Variants in DST observed in about 807,000 individuals in gnomAD.
DST encodes dystonin.
A neutral mutation model predicts 875.2 loss-of-function variants in DST; 253 were observed. That is an observed-to-expected ratio of 0.29 (90% CI 0.26 to 0.32). The LOEUF (loss-of-function observed/expected upper bound fraction) is 0.32, where lower values mean the gene tolerates loss of function less well. Among genes scored for constraint, DST ranks in the 10% least tolerant of loss-of-function variants. The pLI, the probability that DST is intolerant of heterozygous loss-of-function variation, is 1.00. For synonymous variants in DST, 3,124 were observed against 3,197.1 expected, an observed-to-expected ratio of 0.98 and a Z score of 0.77; for missense variants, 8,287 against 9,111.6, an observed-to-expected ratio of 0.91 and a Z score of 3.68.
At chr6:56,506,359 T>G (rs1359336072) in intron 77 of DST, 84 bp downstream of exon 77, 14 of 1,088,454 alleles carry the variant, frequency 1.3e-5, no homozygotes, top group Non-Finnish European at 1.7e-5. Context: ...CTGGCAGATC[T>G]TGAGGTGGTG....
intron 4 of DST, among the ~76,000 whole-genome samples, chr6:56,825,295 A>G (rs1240940717): frequency 3.4e-5 from 5 of 148,180 alleles, no homozygotes; most frequent in East Asian, 1.9e-4. Context: ...AGATGCTTGA[A>G]GGCAGCATGC....
chr6:56,815,458 A>AT (rs1017309184), intron 4 of DST, among the ~76,000 whole-genome samples: 1 of 152,218 alleles, frequency 6.6e-6, no homozygotes, highest in African/African-American at 2.4e-5. Flanking sequence ...TAAGCACTGT[A>AT]TTTATCTAGC....
chr6:56,774,881 A>G (rs1564107022), intron 4 of DST, among the ~76,000 whole-genome samples: 2 of 151,658 alleles, frequency 1.3e-5, no homozygotes, highest in Non-Finnish European at 2.9e-5. Context: ...AATCCCAGCT[A>G]CTTGGGAGGC....
At chr6:56,520,593 G>A (rs1271995162) in intron 69 of DST, among the ~76,000 whole-genome samples, 1 of 152,008 alleles carries the variant, frequency 6.6e-6, no homozygotes, top group Admixed American at 6.6e-5. Flanking sequence ...TACAGCTGCA[G>A]GTGAACTTAG....
In DST at chr6:56,569,919, T is replaced by C. The variant is rs1251531452; in HGVS notation, c.13815A>G (p.Lys4605=). The C allele has an allele frequency of 6.2e-7, 1 of 1,610,992 alleles. No homozygotes were observed. The highest frequency in any genetic ancestry group is 1.7e-5 in the Admixed American group (1 of 59,720). The change falls in exon 54 of 104, where the codon AAA becomes AAG. Residue 4605 remains lysine, a synonymous_variant. Coordinates refer to ENST00000680361, the MANE Select transcript of DST (RefSeq NM_001374736.1). Reference sequence around the variant, plus strand: ...CAAAAGAAGGCTGTACAATGGGAACTTTTTTTGTTGTTTCTTTTATCCATG... The same window carrying C: ...CAAAAGAAGGCTGTACAATGGGAACCTTTTTTGTTGTTTCTTTTATCCATG... The part of the protein sequence containing the change: ...LKSWIKETTK[K]VPIVQPSFGA...
chr6:56,562,176 C>A lies in DST; in HGVS notation c.14030G>T (p.Gly4677Val), dbSNP rs1296085242. Reference protein sequence around the residue: ...KSGGAVLNGEGTATNTEEFWA... With the variant: ...KSGGAVLNGEVTATNTEEFWA... ...AAATTCCTCAGTATTTGTGGCTGTT[C>A]CTTCACCATTTAATACTGCTCCACC... is the stretch of plus-strand genomic sequence containing the variant. Residue 4677 changes from glycine to valine, a missense_variant, in exon 56 of 104, where the codon GGA (glycine) becomes GTA (valine). This residue lies in a region of DST where 1,513 missense variants were observed against 1,677.8 expected (regional missense o/e 0.90). Transcript: ENST00000680361. 6.4e-7 allele frequency: 1 copy of A among 1,555,984 alleles called. No individual in the cohort carries two copies. Among genetic ancestry groups the A allele is most frequent in the East Asian group, 2.4e-5 (1 of 42,196 alleles).
At position 56,464,759 on chromosome 6, in the gene DST, A is replaced by G. The variant is rs2094499500; in HGVS notation, c.22688-3T>C. 2 of 1,587,712 alleles carry G rather than the reference A, an allele frequency of 1.3e-6. No homozygotes were observed. The highest frequency in any genetic ancestry group is 1.3e-5 in the African/African-American group (1 of 74,570). On this transcript the variant is annotated splice_polypyrimidine_tract_variant and splice_region_variant and intron_variant, in intron 99 of 103. Coordinates refer to ENST00000680361, the MANE Select transcript of DST (RefSeq NM_001374736.1). ...CATTTTACTCCCATGATGATGAACT[A>G]GAAAAAATGACACAGGATACCAATC...
intron 98 of DST, among the ~76,000 whole-genome samples, chr6:56,468,380 G>A (rs972252833): frequency 3.3e-5 from 5 of 152,136 alleles, no homozygotes; most frequent in Non-Finnish European, 7.4e-5. Context: ...ATATTATAGC[G>A]ATAACTTTCC....
rs757762556 is a variant in DST at position 56,634,190 on chromosome 6, A to G, written c.3563T>C (p.Val1188Ala). ...TTCATTGATGAGATAATGCCAGGAT[A>G]CTACACTCTTCATGTTTATGTGAGA... is the stretch of plus-strand genomic sequence containing the variant. ...HESHINMKSVVSWHYLINEID... is the reference protein window; with the variant it reads ...HESHINMKSVASWHYLINEID... The change falls in exon 27 of 104, where the codon GTA becomes GCA. Residue 1188 changes from valine (V) to alanine (A), a missense_variant. Coordinates refer to ENST00000680361, the MANE Select transcript of DST (RefSeq NM_001374736.1). 6.2e-7 allele frequency: 1 copy of G among 1,613,688 alleles called. No individual in the cohort carries two copies.
intron 91 of DST, 90 bp from the exon 92 acceptor site, chr6:56,476,427 T>C: frequency 8.4e-7 from 1 of 1,193,674 alleles, no homozygotes; most frequent in South Asian, 1.7e-5. Context: ...AAATGAAAAT[T>C]AGGATCATCC....
chr6:56,494,899 T>C (rs1391826155), intron 82 of DST, among the ~76,000 whole-genome samples: 1 of 152,024 alleles, frequency 6.6e-6, no homozygotes, highest in Non-Finnish European at 1.5e-5. Context: ...ATAATGTGGG[T>C]TAAATCATAG....
chr6:56,855,195 T>A (rs1286347970), intron 3 of DST, among the ~76,000 whole-genome samples: 1 of 152,198 alleles, frequency 6.6e-6, no homozygotes, highest in Non-Finnish European at 1.5e-5. Flanking sequence ...AAATCATCAA[T>A]AGGTTCTTGG....
intron 5 of DST, among the ~76,000 whole-genome samples, chr6:56,713,703 C>T (rs1163932243): frequency 2.0e-5 from 3 of 152,152 alleles, no homozygotes; most frequent in Non-Finnish European, 4.4e-5. Context: ...CCTTTCAGAG[C>T]ATTATTTCCT....
intron 3 of DST, among the ~76,000 whole-genome samples, chr6:56,863,586 C>T (rs1772423288): frequency 6.6e-6 from 1 of 152,204 alleles, no homozygotes; most frequent in African/African-American, 2.4e-5. Flanking sequence ...TGACCTTCCT[C>T]CCCTTCACAG....
chr6:56,814,893 G>T (rs193154437), intron 4 of DST, among the ~76,000 whole-genome samples: 16 of 152,254 alleles, frequency 1.1e-4, no homozygotes, highest in African/African-American at 3.9e-4. Context: ...TTCCAAAAAT[G>T]ATTTGAAGTC....
intron 45 of DST, among the ~76,000 whole-genome samples, chr6:56,599,336 AT>A (rs1375747639): frequency 5.3e-5 from 8 of 151,844 alleles, no homozygotes; most frequent in Admixed American, 1.3e-4. Context: ...TTTTAATATT[AT>A]TTTTTCCATA....
chr6:56,641,821 A>G, intron 17 of DST, 126 bp downstream of exon 17: 1 of 755,778 alleles, frequency 1.3e-6, no homozygotes, highest in East Asian at 2.8e-5. Context: ...TGTGACACAC[A>G]TTTTCAACTA....
chr6:56,690,030 G>C (rs2099217071), intron 9 of DST, among the ~76,000 whole-genome samples: 1 of 152,128 alleles, frequency 6.6e-6, no homozygotes, highest in Non-Finnish European at 1.5e-5. Context: ...TCTACCTTCT[G>C]CCACCTGTTT....
At chr6:56,858,992 T>C (rs1472245375) in intron 3 of DST, among the ~76,000 whole-genome samples, 2 of 152,200 alleles carry the variant, frequency 1.3e-5, no homozygotes, top group Non-Finnish European at 2.9e-5. Flanking sequence ...TGGTACTAAG[T>C]GCCCTAAAAT....
Sources: gnomAD v4.1 joint callset for allele counts (sites outside exome capture counted in the v4.1 genomes callset) on GRCh38, gnomAD v4.1.1 for gene constraint, gnomAD v4.1.1 regional missense constraint, MANE v1.5 for transcripts, NCBI Gene and HGNC (gene_info 2026-07-23, HGNC 2026-07-21) for gene names.